Variants in SHISA9 observed in about 807,000 individuals in gnomAD.
SHISA9 encodes the protein shisa family member 9.
Under a neutral mutation model 38.0 loss-of-function variants are expected in SHISA9, and 13 were observed. The ratio of observed to expected loss-of-function variants is 0.34; its 90% CI spans 0.22 to 0.54. The LOEUF (loss-of-function observed/expected upper bound fraction) is 0.54. SHISA9 is among the 20% of genes least tolerant of loss of function. The probability of loss-of-function intolerance (pLI) is 0.91; values close to 1 mark genes in which losing one functional copy is unlikely to be tolerated. For missense variants in SHISA9, 538 were observed against 575.8 expected, an observed-to-expected ratio of 0.93 and a Z score of 0.67; for synonymous variants, 275 against 242.0, an observed-to-expected ratio of 1.14 and a Z score of -1.27.
At chr16:13,246,653 T>C in the SHISA9 span, among the ~76,000 whole-genome samples, 695 of 152,224 alleles carry the variant, frequency 4.6e-3, 4 homozygotes, top group Non-Finnish European at 5.5e-3. Flanking sequence ...TCAGCATGAG[T>C]CTCTAAATGG....
chr16:13,253,356 C>G, the SHISA9 span, among the ~76,000 whole-genome samples: 1 of 152,124 alleles, frequency 6.6e-6, no homozygotes, highest in Admixed American at 6.6e-5. Flanking sequence ...GTCATCAGTG[C>G]TTATGGGAAC....
intron 2 of SHISA9, among the ~76,000 whole-genome samples, chr16:13,002,251 G>A (rs1355721614): frequency 6.6e-6 from 1 of 152,154 alleles, no homozygotes; most frequent in Non-Finnish European, 1.5e-5. Flanking sequence ...TTACTAACTG[G>A]CAGAGACAGG....
At chr16:13,159,349 T>A (rs1350385829) in intron 2 of SHISA9, among the ~76,000 whole-genome samples, 2 of 152,212 alleles carry the variant, frequency 1.3e-5, no homozygotes, top group Non-Finnish European at 2.9e-5. Flanking sequence ...AGGCTTCCTT[T>A]TCCTAGCTGT....
chr16:13,436,996 G>A, the SHISA9 span, among the ~76,000 whole-genome samples: 3 of 152,176 alleles, frequency 2.0e-5, no homozygotes, highest in East Asian at 1.9e-4. Context: ...TTTATAAACC[G>A]ACATCTCTCA....
chr16:13,408,862 C>G, the SHISA9 span, among the ~76,000 whole-genome samples: 1 of 152,186 alleles, frequency 6.6e-6, no homozygotes, highest in Non-Finnish European at 1.5e-5. Flanking sequence ...GTAATACAGA[C>G]AGGAGACAGG....
At chr16:13,139,384 CCCTTCCTTCTTT>C (rs2050378423) in intron 2 of SHISA9, among the ~76,000 whole-genome samples, 1 of 86,866 alleles carries the variant, frequency 1.2e-5, no homozygotes, top group African/African-American at 5.9e-5. Context: ...CTCCGTCCCT[CCCTTCCTTCTTT>C]CCTTCCTTCC....
chr16:13,197,962 A>G (rs1242953649), intron 2 of SHISA9, among the ~76,000 whole-genome samples: 1 of 152,196 alleles, frequency 6.6e-6, no homozygotes, highest in African/African-American at 2.4e-5. Context: ...AGGCGGGCAG[A>G]TCACCTGAGG....
At chr16:13,320,242 G>C in the SHISA9 span, among the ~76,000 whole-genome samples, 2 of 126,348 alleles carry the variant, frequency 1.6e-5, no homozygotes. Context: ...ACGGAGCCAA[G>C]ATCGCATGCC....
chr16:13,100,895 C>T (rs986121133), intron 2 of SHISA9, among the ~76,000 whole-genome samples: 8 of 152,168 alleles, frequency 5.3e-5, no homozygotes, highest in South Asian at 4.2e-4. Flanking sequence ...TTAGTAGAGA[C>T]GGGGTTTTGC....
chr16:13,139,131 GT>G (rs1452282485), intron 2 of SHISA9, among the ~76,000 whole-genome samples: 2 of 152,124 alleles, frequency 1.3e-5, no homozygotes, highest in African/African-American at 4.8e-5. Flanking sequence ...TCATTGCAGG[GT>G]TGGGTTTTAT....
chr16:12,957,049 C>T (rs1441997406), intron 2 of SHISA9, among the ~76,000 whole-genome samples: 1 of 152,050 alleles, frequency 6.6e-6, no homozygotes, highest in Non-Finnish European at 1.5e-5. Flanking sequence ...ACACAGGTAT[C>T]ATTTTGGAGA....
At chr16:13,307,841 A>G in the SHISA9 span, among the ~76,000 whole-genome samples, 1 of 152,160 alleles carries the variant, frequency 6.6e-6, no homozygotes, top group African/African-American at 2.4e-5. Flanking sequence ...TCATCTACCC[A>G]ATGAGTGGGA....
At chr16:13,345,874 T>G in the SHISA9 span, among the ~76,000 whole-genome samples, 1 of 152,232 alleles carries the variant, frequency 6.6e-6, no homozygotes, top group African/African-American at 2.4e-5. Context: ...TGTTTTCCTA[T>G]GATTGTTGGC....
the SHISA9 span, among the ~76,000 whole-genome samples, chr16:13,464,835 C>A: frequency 8.6e-5 from 13 of 152,012 alleles, no homozygotes; most frequent in East Asian, 1.9e-3. Flanking sequence ...CCCCACCCCC[C>A]ACCTTTTACA....
chr16:13,504,742 T>C, the SHISA9 span, among the ~76,000 whole-genome samples: 1 of 152,200 alleles, frequency 6.6e-6, no homozygotes, highest in African/African-American at 2.4e-5. Context: ...TCTGTGCCCA[T>C]TATATATCAA....
At chr16:13,270,991 T>TG in the SHISA9 span, among the ~76,000 whole-genome samples, 1 of 152,096 alleles carries the variant, frequency 6.6e-6, no homozygotes, top group Non-Finnish European at 1.5e-5. Flanking sequence ...GTAGATCAAG[T>TG]GGTACCATTT....
intron 2 of SHISA9, among the ~76,000 whole-genome samples, chr16:13,147,758 G>A (rs1402113880): frequency 6.6e-6 from 1 of 152,184 alleles, no homozygotes; most frequent in Non-Finnish European, 1.5e-5. Context: ...ACCACGCCCA[G>A]CCTGAACTGA....
intron 2 of SHISA9, among the ~76,000 whole-genome samples, chr16:13,119,073 G>A (rs1317702360): frequency 6.6e-6 from 1 of 151,976 alleles, no homozygotes; most frequent in Non-Finnish European, 1.5e-5. Context: ...TCACCTTGTT[G>A]GCTAGGCTGA....
At chr16:12,954,267 A>G (rs1267207232) in intron 2 of SHISA9, among the ~76,000 whole-genome samples, 1 of 152,208 alleles carries the variant, frequency 6.6e-6, no homozygotes, top group East Asian at 1.9e-4. Flanking sequence ...TAAACATGGC[A>G]TAGGGAGCAT....
Sources: allele counts gnomAD v4.1 joint callset (sites outside exome capture counted in the v4.1 genomes callset), GRCh38; gene constraint gnomAD v4.1.1; transcripts MANE v1.5; gene names NCBI Gene and HGNC (gene_info 2026-07-23, HGNC 2026-07-21).